Variants in SBNO2 observed in about 807,000 individuals in gnomAD.
The protein encoded by SBNO2 is strawberry notch homolog 2.
SBNO2 carries 89 observed loss-of-function variants against 146.3 expected under a neutral mutation model. That is an observed-to-expected ratio of 0.61 (90% CI 0.51 to 0.73). The LOEUF is 0.73. Among genes scored for constraint, SBNO2 ranks in the 30% least tolerant of loss-of-function variants. The pLI is 0.00. For synonymous variants in SBNO2, 1,147 were observed against 892.6 expected (o/e 1.29, Z -5.08); for missense variants, 2,092 against 2,003.7 (o/e 1.04, Z -0.84).
rs184489449 is a variant in SBNO2, at chr19:1,122,287, G to T, written c.1006-5C>A. The T allele has an allele frequency of 6.6e-4, 1,035 of 1,556,778 alleles. 3 individuals are homozygous for T. In the African/African-American group the frequency reaches 0.012, roughly 17 times the overall value. ...AGTGGTGTCACCGTACTTGATCTGG[G>T]GATGCACAGAACAGGTGTGGAATGG... On this transcript the variant is annotated splice_region_variant and splice_polypyrimidine_tract_variant and intron_variant, in intron 10 of 31. Coordinates refer to ENST00000361757, the MANE Select transcript of SBNO2 (RefSeq NM_014963.3).
intron 1 of SBNO2, among the ~76,000 whole-genome samples, chr19:1,162,333 G>A (rs371430648): frequency 1.3e-5 from 2 of 149,262 alleles, no homozygotes; most frequent in Non-Finnish European, 3.0e-5. Flanking sequence ...GGTGGCGGGT[G>A]CCTGTAGTCC....
chr19:1,171,788 C>T (rs946614506), intron 1 of SBNO2, among the ~76,000 whole-genome samples: 9 of 152,126 alleles, frequency 5.9e-5, no homozygotes, highest in African/African-American at 1.7e-4. Context: ...GGGTGGCTGG[C>T]GCAACCTCTC....
chr19:1,165,434 AG>A (rs770730102), intron 1 of SBNO2, among the ~76,000 whole-genome samples: 19 of 152,162 alleles, frequency 1.2e-4, no homozygotes, highest in Admixed American at 3.9e-4. Context: ...TGAGAACAGA[AG>A]GAAGTCCAGG....
In SBNO2 at chr19:1,108,975, G is replaced by C. The variant is rs752823807; in HGVS notation, c.3426-6C>G. The C allele has an allele frequency of 1.3e-6, 2 of 1,518,444 alleles. No individual in the cohort carries two copies. The highest frequency in any genetic ancestry group is 1.8e-6 in the Non-Finnish European group (2 of 1,137,852). 94.1% of individuals were successfully genotyped at this position (1,518,444 alleles called of 1,614,324 possible). On this transcript the variant is annotated splice_region_variant and splice_polypyrimidine_tract_variant and intron_variant, in intron 30 of 31. Transcript: ENST00000361757. Reference sequence around the variant, plus strand: ...CCAGCCGGCAGTGCCGGTTCCTGCGGACGAGACGGGTCGTCTCGGCTCAGG... The same window carrying C: ...CCAGCCGGCAGTGCCGGTTCCTGCGCACGAGACGGGTCGTCTCGGCTCAGG...
chr19:1,138,256 G>C (rs1266953143), intron 4 of SBNO2, among the ~76,000 whole-genome samples: 1 of 149,262 alleles, frequency 6.7e-6, no homozygotes. Context: ...GCTGCCCTGG[G>C]GGACACTCAC....
At chr19:1,141,327 G>A (rs971109865) in intron 4 of SBNO2, among the ~76,000 whole-genome samples, 2 of 151,888 alleles carry the variant, frequency 1.3e-5, no homozygotes, top group Non-Finnish European at 2.9e-5. Flanking sequence ...TGATTCTCCT[G>A]CCTCAGCCTC....
chr19:1,151,480 A>G (rs542214355), intron 2 of SBNO2, among the ~76,000 whole-genome samples: 1 of 152,184 alleles, frequency 6.6e-6, no homozygotes, highest in African/African-American at 2.4e-5. Context: ...CCATCCACAC[A>G]CACCCGAGTC....
chr19:1,163,663 G>A (rs954411716), intron 1 of SBNO2, among the ~76,000 whole-genome samples: 21 of 152,210 alleles, frequency 1.4e-4, no homozygotes, highest in Admixed American at 3.9e-4. Flanking sequence ...CACCGCTCCC[G>A]AGCTTGGACC....
chr19:1,139,030 G>A (rs1467035551), intron 4 of SBNO2, among the ~76,000 whole-genome samples: 2 of 151,850 alleles, frequency 1.3e-5, no homozygotes, highest in Non-Finnish European at 2.9e-5. Flanking sequence ...GTACCTCCAC[G>A]CGTCTATCAT....
chr19:1,146,989 G>A (rs956128775), intron 4 of SBNO2, among the ~76,000 whole-genome samples: 1 of 152,148 alleles, frequency 6.6e-6, no homozygotes, highest in African/African-American at 2.4e-5. Context: ...AGGGCCGTGG[G>A]GGCAAAGGCT....
chr19:1,128,397 A>T (rs2079992001), intron 4 of SBNO2: 2 of 253,480 alleles, frequency 7.9e-6, no homozygotes, highest in South Asian at 3.2e-5. Context: ...ACATCATTTC[A>T]TTTTTTTTTT....
intron 12 of SBNO2, 52 bp from the exon 13 acceptor site, chr19:1,119,673 G>T (rs1039474163): frequency 1.4e-6 from 2 of 1,469,416 alleles, no homozygotes; most frequent in African/African-American, 2.8e-5. Context: ...CCCAGAGGCC[G>T]CGTCAGGGGA....
In SBNO2 at chr19:1,131,555, G is replaced by A. The variant is rs1052925727; in HGVS notation, c.280-3790C>T. Among the ~76,000 whole-genome samples the A allele has an allele frequency of 2.0e-5, 3 of 152,314 alleles. No homozygotes were observed. In the East Asian group the frequency reaches 5.8e-4, roughly 29 times the overall value. On this transcript the variant is annotated intron_variant, in intron 4 of 31. Transcript: ENST00000361757. Reference sequence around the variant, plus strand: ...ACCTGATGTGCTGCCGCTGCCCTGTGCTCCAGGACCCATGGGGAGCCACAG... The same window carrying A: ...ACCTGATGTGCTGCCGCTGCCCTGTACTCCAGGACCCATGGGGAGCCACAG...
chr19:1,127,457 A>C, intron 5 of SBNO2, 147 bp downstream of exon 5: 1 of 767,540 alleles, frequency 1.3e-6, no homozygotes, highest in Non-Finnish European at 2.2e-6. Context: ...CACCTCATCC[A>C]TGGCCACAGA....
At chr19:1,164,121 G>C (rs1467510114) in intron 1 of SBNO2, among the ~76,000 whole-genome samples, 2 of 152,212 alleles carry the variant, frequency 1.3e-5, no homozygotes, top group African/African-American at 4.8e-5. Context: ...GTTGGCCGTG[G>C]GGGCTTCACA....
chr19:1,121,350 T>C (rs753566124), intron 11 of SBNO2, among the ~76,000 whole-genome samples: 3 of 152,144 alleles, frequency 2.0e-5, no homozygotes, highest in East Asian at 1.9e-4. Context: ...TTGTTGCACA[T>C]AGATTGTTCA....
intron 1 of SBNO2, among the ~76,000 whole-genome samples, chr19:1,166,631 A>G (rs894328332): frequency 4.6e-5 from 7 of 151,906 alleles, no homozygotes; most frequent in East Asian, 1.9e-4. Flanking sequence ...ACACACACAC[A>G]CACACACACA....
chr19:1,145,667 C>T (rs1012340119), intron 4 of SBNO2, among the ~76,000 whole-genome samples: 2 of 152,054 alleles, frequency 1.3e-5, no homozygotes, highest in African/African-American at 2.4e-5. Flanking sequence ...CTGTGCGTCC[C>T]CTGAAGGGTG....
chr19:1,119,509 C>T lies in SBNO2; in HGVS notation c.1373+7G>A. On this transcript the variant is annotated splice_region_variant and intron_variant, in intron 13 of 31. Transcript: ENST00000361757. ...CGCCCCTCCACGTGGGTGAGAAGGG[C>T]ACTCACCTCTTCTCGATGGCGTGCA... The T allele has an allele frequency of 1.9e-6, 3 of 1,570,394 alleles. No individual in the cohort carries two copies. Among genetic ancestry groups the T allele is most frequent in the Non-Finnish European group, 2.6e-6 (3 of 1,147,790 alleles).
Sources: gnomAD v4.1 joint callset for allele counts (sites outside exome capture counted in the v4.1 genomes callset) on GRCh38, gnomAD v4.1.1 for gene constraint, MANE v1.5 for transcripts, NCBI Gene and HGNC (gene_info 2026-07-23, HGNC 2026-07-21) for gene names.